SLC60A1: variants seen among roughly 807,000 people sequenced by gnomAD.
SLC60A1 encodes major facilitator superfamily domain containing 4.
At chr1:205,584,121 T>A in the SLC60A1 span, 5 of 1,613,150 alleles carry the variant, frequency 3.1e-6, no homozygotes, top group Non-Finnish European at 4.2e-6. Flanking sequence ...CAGTCACACC[T>A]AGGTAGGGGC....
the SLC60A1 span, among the ~76,000 whole-genome samples, chr1:205,593,888 GAATT>G: frequency 1.3e-5 from 2 of 152,166 alleles, no homozygotes; most frequent in African/African-American, 2.4e-5. Flanking sequence ...GTGAGAGAAT[GAATT>G]AGAGAATCAA....
At chr1:205,584,272 A>AGT in the SLC60A1 span, 1 of 908,466 alleles carries the variant, frequency 1.1e-6, no homozygotes, top group Non-Finnish European at 1.6e-6. Context: ...CCCAGGCTGG[A>AGT]GTGCAGTGGT....
chr1:205,598,677 C>T, the SLC60A1 span: 1 of 158,656 alleles, frequency 6.3e-6, no homozygotes, highest in African/African-American at 2.4e-5. Context: ...TGCAAGGCCA[C>T]CAATGAAACC....
At chr1:205,592,018 C>T in the SLC60A1 span, 3 of 1,361,786 alleles carry the variant, frequency 2.2e-6, no homozygotes, top group African/African-American at 1.4e-5. Flanking sequence ...GCGGGTCACA[C>T]AGCTGGGCTC....
the SLC60A1 span, chr1:205,583,840 C>G: frequency 1.5e-6 from 2 of 1,363,212 alleles, no homozygotes; most frequent in Non-Finnish European, 2.0e-6. Flanking sequence ...GCTGGGCACC[C>G]TTAGAAAAGA....
chr1:205,593,473 A>AAAAAAAT, the SLC60A1 span, among the ~76,000 whole-genome samples: 1 of 144,438 alleles, frequency 6.9e-6, no homozygotes, highest in South Asian at 2.2e-4. Flanking sequence ...AAAAAAAAAA[A>AAAAAAAT]GATGAGCGAT....
At chr1:205,600,675 C>T in the SLC60A1 span, 1 of 552,888 alleles carries the variant, frequency 1.8e-6, no homozygotes, top group East Asian at 3.1e-5. Context: ...TATCTTCTTC[C>T]CTGGTTCAGA....
At chr1:205,580,640 C>CCCCCA in the SLC60A1 span, 5 of 1,588,062 alleles carry the variant, frequency 3.1e-6, no homozygotes, top group East Asian at 4.5e-5. This position sits in a 1 kb window ranked among gnomAD's most constrained non-coding sequence, Gnocchi z 5.0. Context: ...CCCCCACCCG[C>CCCCCA]CACCTCTCCT....
At chr1:205,569,022 G>A in the SLC60A1 span, 1 of 1,298,258 alleles carries the variant, frequency 7.7e-7, no homozygotes, top group Non-Finnish European at 9.9e-7. Context: ...GCGGCACTCG[G>A]GCACCGGGCT....
chr1:205,599,505 T>C, the SLC60A1 span, among the ~76,000 whole-genome samples: 1 of 152,112 alleles, frequency 6.6e-6, no homozygotes, highest in Middle Eastern at 3.4e-3. Context: ...AGCAGAGGGG[T>C]ATGGATTGTG....
the SLC60A1 span, among the ~76,000 whole-genome samples, chr1:205,594,266 C>T: frequency 6.6e-6 from 1 of 152,224 alleles, no homozygotes. Context: ...CTCCAAGCCT[C>T]AAGGGAATAA....
At chr1:205,584,548 T>TTTC in the SLC60A1 span, among the ~76,000 whole-genome samples, 1 of 111,610 alleles carries the variant, frequency 9.0e-6, no homozygotes, top group African/African-American at 3.6e-5. Flanking sequence ...TTTTTTTTTT[T>TTTC]AAAAAAAAAA....
the SLC60A1 span, chr1:205,592,344 C>T: frequency 6.6e-7 from 1 of 1,514,594 alleles, no homozygotes; most frequent in Non-Finnish European, 8.9e-7. Flanking sequence ...GCCGCCGCCT[C>T]GCTCTGCCCT....
At chr1:205,574,280 C>CA in the SLC60A1 span, among the ~76,000 whole-genome samples, 1 of 151,362 alleles carries the variant, frequency 6.6e-6, no homozygotes, top group Non-Finnish European at 1.5e-5. Context: ...GACCTTGTCT[C>CA]AAAAAAAATT....
the SLC60A1 span, among the ~76,000 whole-genome samples, chr1:205,590,304 A>T: frequency 6.6e-6 from 1 of 152,224 alleles, no homozygotes; most frequent in African/African-American, 2.4e-5. Context: ...GCAAGAACAA[A>T]TGGATCTCAG....
chr1:205,577,082 G>A, the SLC60A1 span, among the ~76,000 whole-genome samples: 2 of 151,110 alleles, frequency 1.3e-5, no homozygotes, highest in Non-Finnish European at 3.0e-5. This position sits in a 1 kb window ranked among gnomAD's most constrained non-coding sequence, Gnocchi z 5.2. Flanking sequence ...GAGACAAACA[G>A]CAGTGAACAG....
At chr1:205,600,514 AC>A in the SLC60A1 span, 1 of 1,577,464 alleles carries the variant, frequency 6.3e-7, no homozygotes, top group Non-Finnish European at 8.7e-7. Context: ...CACCAGCACG[AC>A]CATACTGTTT....
chr1:205,592,355 G>C, the SLC60A1 span: 4 of 1,420,396 alleles, frequency 2.8e-6, no homozygotes, highest in South Asian at 3.0e-5. Flanking sequence ...GCTCTGCCCT[G>C]TCTCTCTGTG....
chr1:205,600,738 G>A, the SLC60A1 span: 21 of 415,244 alleles, frequency 5.1e-5, no homozygotes, highest in South Asian at 7.0e-4. Flanking sequence ...AGACAGCCGC[G>A]CGCTTCACTC....
Sources: gnomAD v4.1 joint callset for allele counts (sites outside exome capture counted in the v4.1 genomes callset) on GRCh38, gnomAD v4.1.1 for gene constraint, Gnocchi (gnomAD v3.1) non-coding constraint, MANE v1.5 for transcripts, NCBI Gene and HGNC (gene_info 2026-07-23, HGNC 2026-07-21) for gene names.